MAGI1: variants seen among roughly 807,000 people sequenced by gnomAD.
MAGI1 encodes membrane associated guanylate kinase, WW and PDZ domain containing 1.
A neutral mutation model predicts 139.9 loss-of-function variants in MAGI1; 58 were observed. That is an observed-to-expected ratio of 0.41 (90% CI 0.34 to 0.52). MAGI1 has a LOEUF of 0.52. Among genes scored for constraint, MAGI1 ranks in the 20% least tolerant of loss-of-function variants. The pLI is 0.12. For synonymous variants in MAGI1, 812 were observed against 737.9 expected, an observed-to-expected ratio of 1.10 and a Z score of -1.63; for missense variants, 1,874 against 1,901.6, an observed-to-expected ratio of 0.99 and a Z score of 0.27.
chr3:65,626,872 C>T (rs544942365), intron 1 of MAGI1, among the ~76,000 whole-genome samples: 16 of 152,238 alleles, frequency 1.1e-4, no homozygotes, highest in African/African-American at 3.9e-4. Context: ...AAATTAATTG[C>T]CAATTATTCA....
intron 2 of MAGI1, among the ~76,000 whole-genome samples, chr3:65,526,178 G>A (rs1376466392): frequency 6.6e-6 from 1 of 152,094 alleles, no homozygotes; most frequent in Non-Finnish European, 1.5e-5. Flanking sequence ...ATATATGCTT[G>A]TTTCACTTTT....
chr3:65,673,448 G>C (rs1176552064), intron 1 of MAGI1, among the ~76,000 whole-genome samples: 1 of 151,980 alleles, frequency 6.6e-6, no homozygotes, highest in East Asian at 1.9e-4. Context: ...CCAAATATTC[G>C]GGTTAAATAG....
At chr3:65,502,223 AAACAGTAAGT>A (rs1270456560) in intron 2 of MAGI1, among the ~76,000 whole-genome samples, 1 of 152,250 alleles carries the variant, frequency 6.6e-6, no homozygotes, top group African/African-American at 2.4e-5. Context: ...ATCCTGCCAT[AAACAGTAAGT>A]AACTAAAAAT....
At chr3:65,815,321 C>A (rs747188760) in intron 1 of MAGI1, among the ~76,000 whole-genome samples, 10 of 152,200 alleles carry the variant, frequency 6.6e-5, no homozygotes, top group Non-Finnish European at 1.3e-4. Flanking sequence ...TTAGCTGTTT[C>A]TCAAGAGAAA....
At chr3:65,512,844 A>G (rs556688290) in intron 2 of MAGI1, among the ~76,000 whole-genome samples, 1,717 of 151,936 alleles carry the variant, frequency 0.011, 31 homozygotes, top group African/African-American at 0.038. Flanking sequence ...CCAGGCAGAG[A>G]CACAGCCAAA....
intron 6 of MAGI1, among the ~76,000 whole-genome samples, chr3:65,449,238 C>T (rs542072410): frequency 8.5e-5 from 13 of 152,076 alleles, no homozygotes; most frequent in African/African-American, 2.9e-4. Context: ...CAAACCTGCA[C>T]GTTGTGCATA....
chr3:65,725,137 G>A (rs952526093), intron 1 of MAGI1, among the ~76,000 whole-genome samples: 1 of 152,136 alleles, frequency 6.6e-6, no homozygotes, highest in Non-Finnish European at 1.5e-5. Context: ...AGATTCCTTT[G>A]CAACACAGTT....
At chr3:65,923,380 C>T (rs2062325289) in intron 1 of MAGI1, among the ~76,000 whole-genome samples, 1 of 151,986 alleles carries the variant, frequency 6.6e-6, no homozygotes, top group South Asian at 2.1e-4. Flanking sequence ...CGCGCACCAC[C>T]ACGCCCAGCT....
chr3:65,523,655 A>G (rs2078258890), intron 2 of MAGI1, among the ~76,000 whole-genome samples: 1 of 152,136 alleles, frequency 6.6e-6, no homozygotes, highest in South Asian at 2.1e-4. Context: ...GACCTCAAAC[A>G]ATTTTGTTTG....
intron 1 of MAGI1, among the ~76,000 whole-genome samples, chr3:65,622,696 T>C (rs2083750318): frequency 6.6e-6 from 1 of 152,094 alleles, no homozygotes; most frequent in South Asian, 2.1e-4. Flanking sequence ...CCCGAGTAGC[T>C]GCGGTTACAG....
chr3:65,593,311 T>C (rs2082047645), intron 2 of MAGI1, among the ~76,000 whole-genome samples: 1 of 152,198 alleles, frequency 6.6e-6, no homozygotes, highest in African/African-American at 2.4e-5. Flanking sequence ...TTGTCAAATT[T>C]GTAGATTCCC....
At chr3:65,760,135 CATT>C (rs768159152) in intron 1 of MAGI1, among the ~76,000 whole-genome samples, 2 of 151,542 alleles carry the variant, frequency 1.3e-5, no homozygotes, top group Non-Finnish European at 2.9e-5. Flanking sequence ...TTGTTGTCAT[CATT>C]GTCTTCAACT....
intron 12 of MAGI1, among the ~76,000 whole-genome samples, chr3:65,420,303 T>TTGCACTAAC (rs1240827845): frequency 6.6e-6 from 1 of 151,900 alleles, no homozygotes; most frequent in Non-Finnish European, 1.5e-5. Context: ...CTTAGGGTCT[T>TTGCACTAAC]TGCACTAACT....
intron 1 of MAGI1, among the ~76,000 whole-genome samples, chr3:65,705,829 G>A (rs2030169271): frequency 6.6e-6 from 1 of 152,180 alleles, no homozygotes; most frequent in Non-Finnish European, 1.5e-5. Flanking sequence ...TAGGTTTGGG[G>A]CTAATCCTTC....
At chr3:65,569,345 T>C (rs2080830710) in intron 2 of MAGI1, among the ~76,000 whole-genome samples, 1 of 152,154 alleles carries the variant, frequency 6.6e-6, no homozygotes, top group African/African-American at 2.4e-5. Context: ...AAAAAGTTCT[T>C]GAGTTGGATG....
intron 12 of MAGI1, among the ~76,000 whole-genome samples, chr3:65,417,037 T>G (rs1321128729): frequency 6.6e-6 from 1 of 152,302 alleles, no homozygotes; most frequent in African/African-American, 2.4e-5. Context: ...TTACACATGG[T>G]AAACTCTGTC....
intron 1 of MAGI1, among the ~76,000 whole-genome samples, chr3:65,819,157 GC>G (rs1267274059): frequency 6.6e-6 from 1 of 152,104 alleles, no homozygotes; most frequent in Non-Finnish European, 1.5e-5. Context: ...GTTGGAGCAT[GC>G]CTATAATCCC....
chr3:65,651,664 A>G (rs931261521), intron 1 of MAGI1, among the ~76,000 whole-genome samples: 1 of 152,172 alleles, frequency 6.6e-6, no homozygotes, highest in Non-Finnish European at 1.5e-5. Flanking sequence ...CTCACTGCAG[A>G]CAGACATCCC....
intron 3 of MAGI1, among the ~76,000 whole-genome samples, chr3:65,486,767 T>C (rs1402718483): frequency 1.3e-5 from 2 of 152,150 alleles, no homozygotes; most frequent in Non-Finnish European, 2.9e-5. Flanking sequence ...GGGGCTCTAC[T>C]CTGTTGGGAG....
Sources: allele counts gnomAD v4.1 joint callset (sites outside exome capture counted in the v4.1 genomes callset), GRCh38; gene constraint gnomAD v4.1.1; transcripts MANE v1.5; gene names NCBI Gene and HGNC (gene_info 2026-07-23, HGNC 2026-07-21).